Variants in SVOPL observed in about 807,000 individuals in gnomAD.
The protein encoded by SVOPL is putative transporter SVOPL.
Under a neutral mutation model 61.0 loss-of-function variants are expected in SVOPL, and 60 were observed. That is an observed-to-expected ratio of 0.98 (90% CI 0.80 to 1.22). SVOPL has a LOEUF of 1.22. Among genes scored for constraint, SVOPL ranks in the 50% most tolerant of loss-of-function variants. SVOPL has a pLI of 0.00. For missense variants in SVOPL, 662 were observed against 643.9 expected, an observed-to-expected ratio of 1.03 and a Z score of -0.30; for synonymous variants, 279 against 250.0, an observed-to-expected ratio of 1.12 and a Z score of -1.09.
intron 5 of SVOPL, chr7:138,662,184 C>A: frequency 1.0e-6 from 1 of 985,488 alleles, no homozygotes; most frequent in Non-Finnish European, 1.2e-6. Context: ...CTTCTGCTTT[C>A]TCTGCCTCTG....
In SVOPL at chr7:138,611,588, C is replaced by T. The variant is rs536283350; in HGVS notation, c.1353+9458G>A. Among the ~76,000 whole-genome samples, 28 of 152,044 alleles carry T rather than the reference C, an allele frequency of 1.8e-4. No homozygotes were observed. In the East Asian group the frequency reaches 4.8e-3, roughly 26 times the overall value. On this transcript the variant is annotated intron_variant, in intron 14 of 15. Coordinates refer to ENST00000674285, the MANE Select transcript of SVOPL (RefSeq NM_001139456.2). ...ACTTGTGAAGTTCTCTGTCATCTTA[C>T]GAGCTGATTTTTTTTCCCCATGCTT...
chr7:138,635,695 A>G (rs1033941519), intron 9 of SVOPL, among the ~76,000 whole-genome samples: 1 of 152,168 alleles, frequency 6.6e-6, no homozygotes, highest in Non-Finnish European at 1.5e-5. Context: ...AGTTTAGGTC[A>G]CATGCATGCC....
chr7:138,668,472 A>G lies in SVOPL; in HGVS notation c.273+3547T>C, dbSNP rs117228536. On this transcript the variant is annotated intron_variant, in intron 4 of 15. Transcript: ENST00000674285. ...CAAGCTCTAGCTCAATAAACCTCAG[A>G]TGACTGAGATTTTTGCCTCAATATC... Among the ~76,000 whole-genome samples, 306 of 152,206 alleles carry G rather than the reference A, an allele frequency of 2.0e-3. 11 individuals carry two copies. The South Asian group carries it at 0.063, about 31-fold the overall frequency.
At chr7:138,595,825 C>T (rs1004286230) in intron 15 of SVOPL, among the ~76,000 whole-genome samples, 2 of 152,134 alleles carry the variant, frequency 1.3e-5, no homozygotes, top group African/African-American at 2.4e-5. Flanking sequence ...CCTGCATTCA[C>T]AATTACATAA....
chr7:138,622,160 G>GTATCTA (rs1799662802), intron 13 of SVOPL, among the ~76,000 whole-genome samples: 20 of 18,410 alleles, frequency 1.1e-3, no homozygotes, highest in South Asian at 2.5e-3. Flanking sequence ...GTATCTATCT[G>GTATCTA]TCTATGTATC....
At chr7:138,677,634 TTAAC>T (rs1434816617) in intron 3 of SVOPL, among the ~76,000 whole-genome samples, 1 of 152,138 alleles carries the variant, frequency 6.6e-6, no homozygotes, top group Non-Finnish European at 1.5e-5. Flanking sequence ...CCTGAAGAGA[TTAAC>T]TAAAAGTCTA....
intron 1 of SVOPL, among the ~76,000 whole-genome samples, chr7:138,693,777 A>G (rs1407925483): frequency 6.6e-6 from 1 of 152,010 alleles, no homozygotes; most frequent in Non-Finnish European, 1.5e-5. Flanking sequence ...TTATAAACTC[A>G]TTTTACTATT....
intron 9 of SVOPL, among the ~76,000 whole-genome samples, chr7:138,631,964 A>T (rs1012944393): frequency 4.0e-5 from 6 of 150,812 alleles, no homozygotes; most frequent in African/African-American, 1.5e-4. Context: ...CTGATATCAC[A>T]CACACACACA....
chr7:138,656,378 A>T (rs1335126924), intron 7 of SVOPL, 70 bp downstream of exon 7: 7 of 1,470,346 alleles, frequency 4.8e-6, no homozygotes, highest in Non-Finnish European at 6.6e-6. Flanking sequence ...CAGTATTTCC[A>T]AGGTATGCCT....
intron 7 of SVOPL, among the ~76,000 whole-genome samples, chr7:138,650,260 G>C (rs772861912): frequency 6.6e-6 from 1 of 152,142 alleles, no homozygotes; most frequent in Admixed American, 6.6e-5. Context: ...TCTAATAATA[G>C]AGGGTGTGTT....
chr7:138,698,319 C>T (rs7792427), intron 1 of SVOPL, among the ~76,000 whole-genome samples: 6,459 of 152,244 alleles, frequency 0.042, 197 homozygotes, highest in South Asian at 0.092. Context: ...CAGGGTTTCC[C>T]TTGTACCTTG....
At position 138,687,707 on chromosome 7, in the gene SVOPL, C is replaced by G. The variant is rs188036479; in HGVS notation, c.-34-8628G>C. Among the ~76,000 whole-genome samples the G allele has an allele frequency of 6.2e-3, 844 of 135,380 alleles. 3 individuals carry two copies. Among genetic ancestry groups the G allele is most frequent in the Non-Finnish European group, 9.9e-3 (635 of 64,030 alleles). The allele number at this position is 135,380 out of a possible 152,430, so 88.8% of individuals were successfully genotyped here. On this transcript the variant is annotated intron_variant, in intron 1 of 15. Transcript: ENST00000674285. Reference sequence around the variant, plus strand: ...TATCAAGAAGGTGAAAAAAAAAAAACAGAATGGGAGAGAGTATTTGCAAAC... The same window carrying G: ...TATCAAGAAGGTGAAAAAAAAAAAAGAGAATGGGAGAGAGTATTTGCAAAC...
rs376867799 is a variant in SVOPL, at chr7:138,663,148, G to T, written c.274-3C>A. The T allele has an allele frequency of 3.1e-6, 5 of 1,613,146 alleles. No homozygotes were observed. Among genetic ancestry groups the T allele is most frequent in the African/African-American group, 2.7e-5 (2 of 74,930 alleles). On this transcript the variant is annotated splice_polypyrimidine_tract_variant and splice_region_variant and intron_variant, in intron 4 of 15. Coordinates refer to ENST00000674285, the MANE Select transcript of SVOPL (RefSeq NM_001139456.2). ...ACCATGTAGCCAAAAAACACCATCT[G>T]CAAGTGGGAGCGAGATAAAACGGTT...
chr7:138,594,776 C>A (rs1177781131), intron 15 of SVOPL, among the ~76,000 whole-genome samples, 155 bp from the exon 16 acceptor site: 1 of 151,948 alleles, frequency 6.6e-6, no homozygotes, highest in Non-Finnish European at 1.5e-5. Flanking sequence ...TCTGAAGATA[C>A]AATGCTAACT....
chr7:138,633,570 A>G (rs940636332), intron 9 of SVOPL, among the ~76,000 whole-genome samples: 1 of 113,898 alleles, frequency 8.8e-6, no homozygotes, highest in African/African-American at 2.7e-5. Context: ...CTGCAGAACC[A>G]TGAGCCAAAT....
intron 9 of SVOPL, among the ~76,000 whole-genome samples, chr7:138,640,024 G>C (rs997370978): frequency 3.3e-5 from 5 of 151,840 alleles, no homozygotes; most frequent in African/African-American, 1.2e-4. Context: ...CCAAAGTGCT[G>C]GGATTACAGG....
intron 4 of SVOPL, chr7:138,663,633 C>T (rs1802108963): frequency 1.0e-6 from 1 of 980,408 alleles, no homozygotes; most frequent in Non-Finnish European, 1.2e-6. Context: ...ACTTCTTTTC[C>T]TTACTCGTTC....
At position 138,596,499 on chromosome 7, in the gene SVOPL, A is replaced by G. The variant is rs780353489; in HGVS notation, c.1385T>C (p.Leu462Pro). 9.3e-6 allele frequency: 15 copies of G among 1,613,694 alleles called. No individual in the cohort carries two copies. Among genetic ancestry groups the G allele is most frequent in the Non-Finnish European group, 1.3e-5 (15 of 1,179,718 alleles). The change falls in exon 15 of 16, where the codon CTG (leucine) becomes CCG (proline). Residue 462 changes from leucine (L) to proline (P), a missense_variant. Leu to Pro is a moderately conservative substitution (Grantham distance 98). Coordinates refer to ENST00000674285, the MANE Select transcript of SVOPL (RefSeq NM_001139456.2). The part of the protein sequence containing the change: ...VLMSASILGA[L>P]CLFSSVCVVC... ...AACACAGACAGATGAGAAGAGACAC[A>G]GGGCCCCCAGTATTGATGCACTCAT...
At chr7:138,608,536 C>A (rs1038661461) in intron 14 of SVOPL, among the ~76,000 whole-genome samples, 1 of 152,166 alleles carries the variant, frequency 6.6e-6, no homozygotes, top group Non-Finnish European at 1.5e-5. Flanking sequence ...TTGGACCTCA[C>A]GCCTCAACAG....
Sources: gnomAD v4.1 joint callset for allele counts (sites outside exome capture counted in the v4.1 genomes callset) on GRCh38, gnomAD v4.1.1 for gene constraint, MANE v1.5 for transcripts, NCBI Gene and HGNC (gene_info 2026-07-23, HGNC 2026-07-21) for gene names.